Variants in CCSER1 observed in about 807,000 individuals in gnomAD.
CCSER1 encodes coiled-coil serine rich protein 1, also known as serine-rich coiled-coil domain-containing protein 1.
In CCSER1, 41 loss-of-function variants were observed where a neutral mutation model predicts 82.0. The ratio of observed to expected loss-of-function variants is 0.50; its 90% CI spans 0.39 to 0.65. The LOEUF is 0.65. CCSER1 is among the 30% of genes least tolerant of loss of function. The pLI, the probability that CCSER1 is intolerant of heterozygous loss-of-function variation, is 0.00. For synonymous variants in CCSER1, 414 were observed against 383.9 expected, an observed-to-expected ratio of 1.08 and a Z score of -0.92; for missense variants, 1,119 against 1,064.2, an observed-to-expected ratio of 1.05 and a Z score of -0.72.
chr4:91,016,067 G>C (rs1019174538), intron 9 of CCSER1, among the ~76,000 whole-genome samples: 4 of 151,914 alleles, frequency 2.6e-5, no homozygotes, highest in Non-Finnish European at 5.9e-5. Context: ...CTACATTTAT[G>C]CATTTTACAC....
intron 8 of CCSER1, among the ~76,000 whole-genome samples, chr4:90,858,044 A>G (rs922253490): frequency 2.0e-5 from 3 of 152,088 alleles, no homozygotes; most frequent in African/African-American, 7.2e-5. Context: ...TTAAAAAAGA[A>G]CAGATAGCCA....
chr4:91,197,425 C>G (rs1174254723), intron 10 of CCSER1, among the ~76,000 whole-genome samples: 1 of 152,098 alleles, frequency 6.6e-6, no homozygotes, highest in African/African-American at 2.4e-5. Flanking sequence ...TGAACCTGCC[C>G]TATATGTTAG....
intron 8 of CCSER1, among the ~76,000 whole-genome samples, chr4:90,839,526 A>G (rs1161150099): frequency 1.3e-5 from 2 of 152,202 alleles, no homozygotes; most frequent in Non-Finnish European, 2.9e-5. Context: ...TCAAGACCCA[A>G]CAGTGGAACT....
At chr4:90,213,275 C>T (rs1740372063) in intron 1 of CCSER1, among the ~76,000 whole-genome samples, 1 of 152,096 alleles carries the variant, frequency 6.6e-6, no homozygotes, top group South Asian at 2.1e-4. Context: ...TTAGATTGGA[C>T]TGTAAATATG....
chr4:90,861,607 TA>T (rs1446921227), intron 8 of CCSER1, among the ~76,000 whole-genome samples: 2 of 151,510 alleles, frequency 1.3e-5, no homozygotes, highest in East Asian at 3.9e-4. Flanking sequence ...CTTGATGAAG[TA>T]AAAAAGGTAC....
In CCSER1 at chr4:90,932,968, A is replaced by AAGAG. The variant is rs1388956096; in HGVS notation, c.2172+9524_2172+9525insGAGA. On this transcript the variant is annotated intron_variant, in intron 9 of 10. Transcript: ENST00000509176. Reference sequence around the variant, plus strand: ...AAAGAAAGAAAGAAAGAAAGAAAGAAAGAAAGAAAGAAAGAGAAAGAAAGA... The same window carrying AAGAG: ...AAAGAAAGAAAGAAAGAAAGAAAGAAAGAGAGAAAGAAAGAAAGAGAAAGAAAGA... Among the ~76,000 whole-genome samples the AAGAG allele has an allele frequency of 1.3e-3, 57 of 44,142 alleles. 12 individuals carry two copies. In the East Asian group the frequency reaches 0.024, roughly 19 times the overall value. The allele number at this position is 44,142 out of a possible 152,430, so 29.0% of individuals were successfully genotyped here.
chr4:90,698,517 T>C (rs902275877), intron 6 of CCSER1, among the ~76,000 whole-genome samples: 1 of 152,160 alleles, frequency 6.6e-6, no homozygotes, highest in Non-Finnish European at 1.5e-5. Flanking sequence ...CATTTACAAA[T>C]TGATCTTTTC....
chr4:90,917,771 T>A (rs1336655958), intron 8 of CCSER1, among the ~76,000 whole-genome samples: 1 of 152,140 alleles, frequency 6.6e-6, no homozygotes, highest in East Asian at 1.9e-4. Context: ...CCTTACAAGA[T>A]GATGGTCAAA....
At chr4:90,475,028 A>C (rs1220741896) in intron 5 of CCSER1, among the ~76,000 whole-genome samples, 1 of 152,108 alleles carries the variant, frequency 6.6e-6, no homozygotes, top group Non-Finnish European at 1.5e-5. Flanking sequence ...GTATTATATC[A>C]GTTGAACTAT....
chr4:90,684,829 C>T (rs992341295), intron 6 of CCSER1, among the ~76,000 whole-genome samples: 6 of 151,328 alleles, frequency 4.0e-5, no homozygotes, highest in Non-Finnish European at 7.4e-5. Flanking sequence ...AGCGGTGGGG[C>T]GGGGGTGGAC....
chr4:91,391,828 G>A (rs778496525), intron 10 of CCSER1, among the ~76,000 whole-genome samples: 24 of 152,038 alleles, frequency 1.6e-4, no homozygotes, highest in African/African-American at 3.9e-4. Context: ...TATGTTGGCC[G>A]TGATCATTTT....
chr4:90,174,219 T>A (rs1732253532), intron 1 of CCSER1, among the ~76,000 whole-genome samples: 1 of 151,854 alleles, frequency 6.6e-6, no homozygotes, highest in African/African-American at 2.4e-5. Context: ...AATATAAATA[T>A]AACAAGAAAA....
At chr4:90,250,574 T>C (rs1198465025) in intron 1 of CCSER1, among the ~76,000 whole-genome samples, 1 of 152,140 alleles carries the variant, frequency 6.6e-6, no homozygotes, top group Non-Finnish European at 1.5e-5. Context: ...GCTTTATATA[T>C]CTGTCCTTAT....
intron 9 of CCSER1, among the ~76,000 whole-genome samples, chr4:91,030,615 G>A (rs1740891642): frequency 6.6e-6 from 1 of 152,002 alleles, no homozygotes; most frequent in Non-Finnish European, 1.5e-5. Context: ...AAGGGAACAG[G>A]AGTTTGGTAA....
intron 10 of CCSER1, among the ~76,000 whole-genome samples, chr4:91,358,985 C>T (rs4096931): frequency 0.32 from 48,119 of 151,986 alleles, 8,348 homozygotes; most frequent in African/African-American, 0.44. Flanking sequence ...GACAAAACCT[C>T]TCAGACACCG....
chr4:90,418,472 AAAT>A (rs1756146398), intron 4 of CCSER1, among the ~76,000 whole-genome samples: 1 of 152,010 alleles, frequency 6.6e-6, no homozygotes, highest in African/African-American at 2.4e-5. Context: ...GCACTAAATA[AAAT>A]AATGGGATAA....
chr4:91,356,887 G>A (rs1009663770), intron 10 of CCSER1, among the ~76,000 whole-genome samples: 1 of 152,172 alleles, frequency 6.6e-6, no homozygotes, highest in African/African-American at 2.4e-5. Context: ...ACTCCAGGCT[G>A]TAGAATCCTG....
intron 1 of CCSER1, among the ~76,000 whole-genome samples, chr4:90,284,516 CAG>C (rs1729505325): frequency 2.1e-5 from 3 of 144,132 alleles, no homozygotes; most frequent in South Asian, 2.2e-4. Context: ...TTTTTTGAGA[CAG>C]GGGCTTGTTC....
chr4:90,411,799 G>A (rs183662786), intron 4 of CCSER1, among the ~76,000 whole-genome samples: 118 of 152,194 alleles, frequency 7.8e-4, no homozygotes, highest in African/African-American at 2.4e-3. Context: ...AGGAAATAGC[G>A]GGCATTCAAT....
Sources: allele counts gnomAD v4.1 joint callset (sites outside exome capture counted in the v4.1 genomes callset), GRCh38; gene constraint gnomAD v4.1.1; transcripts MANE v1.5; gene names NCBI Gene and HGNC (gene_info 2026-07-23, HGNC 2026-07-21).